The following USP54 variants were observed in gnomAD, a reference collection of about 807,000 sequenced individuals.
USP54 encodes the protein ubiquitin specific peptidase 54, also known as ubiquitin carboxyl-terminal hydrolase 54.
USP54 carries 87 observed loss-of-function variants against 170.5 expected under a neutral mutation model. The ratio of observed to expected loss-of-function variants is 0.51; its 90% confidence interval spans 0.43 to 0.61. USP54 has a LOEUF of 0.61. Ranked by LOEUF, USP54 falls within the 20% of genes least tolerant of loss-of-function variation. The probability of loss-of-function intolerance (pLI) is 0.00; values close to 1 mark genes in which losing one functional copy is unlikely to be tolerated. For missense variants in USP54, 1,786 were observed against 2,047.8 expected (o/e 0.87, Z 2.47); for synonymous variants, 655 against 742.8 (o/e 0.88, Z 1.92).
At chr10:73,624,159 C>CATATATATATATATAT (rs58238181) in intron 1 of USP54, among the ~76,000 whole-genome samples, 32 of 69,856 alleles carry the variant, frequency 4.6e-4, no homozygotes, top group Admixed American at 1.6e-3. Flanking sequence ...TTTTAAAAGC[C>CATATATATATATATAT]ATATATATAT....
At chr10:73,613,134 T>C (rs1564963397) in intron 1 of USP54, among the ~76,000 whole-genome samples, 2 of 143,258 alleles carry the variant, frequency 1.4e-5, no homozygotes, top group African/African-American at 5.2e-5. Context: ...TCCAGCCTCT[T>C]TTTTTTTTTT....
Position 73,523,747 on chromosome 10 carries a change from T to C in USP54, c.2198A>G (p.Glu733Gly). ...CAGTTCACTTTTAGAAGATATCTCC[T>C]CACCTGTAATATAAGCAAGGGAGAA... ...GWTKSQPFSG[E>G]EISSKSELDE... Residue 733 changes from glutamate (E) to glycine (G), a missense_variant, in exon 17 of 24, where the codon GAG becomes GGG. Transcript: ENST00000687698. 6.2e-7 allele frequency: 1 copy of C among 1,611,864 alleles called. No homozygotes were observed. The highest frequency in any genetic ancestry group is 8.5e-7 in the Non-Finnish European group (1 of 1,178,554).
intron 1 of USP54, among the ~76,000 whole-genome samples, chr10:73,605,531 A>G (rs1405974815): frequency 6.6e-6 from 1 of 152,168 alleles, no homozygotes; most frequent in Non-Finnish European, 1.5e-5. Context: ...TGTCTCAAAA[A>G]ATAAATAAAG....
intron 20 of USP54, chr10:73,506,491 T>C (rs2059150613): frequency 6.6e-6 from 1 of 152,190 alleles, no homozygotes; most frequent in African/African-American, 2.4e-5. Context: ...TTGATACATA[T>C]GTCCATGGCC....
chr10:73,522,448 C>T (rs2062049807), intron 17 of USP54, among the ~76,000 whole-genome samples: 1 of 152,100 alleles, frequency 6.6e-6, no homozygotes, highest in African/African-American at 2.4e-5. Context: ...AATGCTGAAC[C>T]ACAGTGTATA....
rs148835243 is a variant in USP54, at chr10:73,580,719, C to T, written c.-581-4358G>A. On this transcript the variant is annotated intron_variant, in intron 1 of 23. Transcript: ENST00000687698. ...TCCCGAGTAGCTGGGATTACAGGCA[C>T]GCACCATCACGCTCAGCTATTTTTT... Among the ~76,000 whole-genome samples the T allele has an allele frequency of 1.7e-3, 266 of 152,002 alleles. 1 individual carries two copies. The highest frequency in any genetic ancestry group is 5.0e-3 in the African/African-American group (207 of 41,452).
In USP54 at chr10:73,535,053, A is replaced by G. The variant is rs368372754; in HGVS notation, c.1145-283T>C. 4.6e-5 allele frequency among the ~76,000 whole-genome samples: 7 copies of G among 152,164 alleles called. No individual in the cohort carries two copies. The East Asian group carries it at 5.8e-4, about 13-fold the overall frequency. ...GGGTTTTATAAAACCTATCGGGGGA[A>G]AAGCAGAAGTGATGAAAAAGTTGTG... On this transcript the variant is annotated intron_variant, in intron 11 of 23. Transcript: ENST00000687698.
At chr10:73,594,077 CTT>C (rs1035195917), upstream of USP54, among the ~76,000 whole-genome samples, 3 of 146,368 alleles carry the variant, frequency 2.0e-5, no homozygotes, top group East Asian at 4.0e-4. Flanking sequence ...ATAAAAGACT[CTT>C]TTTTTTTTTG....
chr10:73,500,898 G>C, intron 22 of USP54, 60 bp from the exon 23 acceptor site: 1 of 1,536,980 alleles, frequency 6.5e-7, no homozygotes, highest in Non-Finnish European at 8.7e-7. Flanking sequence ...GCAGGATGTA[G>C]TTGGGTAAAC....
intron 1 of USP54, among the ~76,000 whole-genome samples, chr10:73,586,122 T>C (rs2077459451): frequency 6.6e-6 from 1 of 152,224 alleles, no homozygotes; most frequent in Admixed American, 6.5e-5. Context: ...CATCTACTCA[T>C]TCACTCACTG....
chr10:73,500,613 G>A, intron 23 of USP54, 42 bp downstream of exon 23: 1 of 1,543,908 alleles, frequency 6.5e-7, no homozygotes, highest in South Asian at 1.2e-5. Flanking sequence ...CCCTGAAAAG[G>A]TACCAAATTC....
At chr10:73,595,857 C>A (rs2078682993), upstream of USP54, among the ~76,000 whole-genome samples, 1 of 152,150 alleles carries the variant, frequency 6.6e-6, no homozygotes, top group African/African-American at 2.4e-5. Flanking sequence ...CGCCTGTAAT[C>A]CCAACACTTT....
chr10:73,508,670 G>GTTT (rs778461146), intron 20 of USP54, among the ~76,000 whole-genome samples: 11 of 141,338 alleles, frequency 7.8e-5, no homozygotes, highest in African/African-American at 2.6e-4. Context: ...AGAAGAACAT[G>GTTT]TTTTTTTTTT....
upstream of USP54, among the ~76,000 whole-genome samples, chr10:73,592,191 T>C (rs745992388): frequency 6.6e-6 from 1 of 152,086 alleles, no homozygotes; most frequent in African/African-American, 2.4e-5. Flanking sequence ...CACCCTTCTA[T>C]GTATTACCTG....
intron 17 of USP54, among the ~76,000 whole-genome samples, chr10:73,521,622 C>T (rs2061912045): frequency 6.6e-6 from 1 of 152,252 alleles, no homozygotes; most frequent in African/African-American, 2.4e-5. Flanking sequence ...AGATGGTCTA[C>T]ACTTCCTAAT....
intron 4 of USP54, among the ~76,000 whole-genome samples, chr10:73,553,758 T>C (rs2070231545): frequency 6.6e-6 from 1 of 152,190 alleles, no homozygotes. Flanking sequence ...ACCTTGGAGT[T>C]TCTCTCTGCT....
intron 4 of USP54, among the ~76,000 whole-genome samples, chr10:73,561,104 C>CAA (rs919887025): frequency 5.5e-3 from 167 of 30,186 alleles, no homozygotes; most frequent in Middle Eastern, 0.028. Context: ...GACTCCATCT[C>CAA]AAAAAAAAAA....
chr10:73,533,981 C>T (rs184713650), intron 12 of USP54, among the ~76,000 whole-genome samples: 6 of 152,224 alleles, frequency 3.9e-5, no homozygotes, highest in Admixed American at 2.6e-4. Flanking sequence ...TGGGATACTA[C>T]GGGAATCAAG....
intron 1 of USP54, among the ~76,000 whole-genome samples, chr10:73,590,479 CATCCAGT>C (rs1421512579): frequency 6.6e-6 from 1 of 152,022 alleles, no homozygotes; most frequent in Admixed American, 6.6e-5. Flanking sequence ...AAGTATCAAC[CATCCAGT>C]ATCCAAAAAA....
Sources: allele counts gnomAD v4.1 joint callset (sites outside exome capture counted in the v4.1 genomes callset), GRCh38; gene constraint gnomAD v4.1.1; transcripts MANE v1.5; gene names NCBI Gene and HGNC (gene_info 2026-07-23, HGNC 2026-07-21).